The following CDH23 variants were observed in gnomAD, a reference collection of about 807,000 sequenced individuals.
CDH23 encodes cadherin-23.
CDH23 carries 189 observed loss-of-function variants against 317.1 expected under a neutral mutation model. The ratio of observed to expected loss-of-function variants is 0.60; its 90% confidence interval spans 0.53 to 0.67. CDH23 has a LOEUF of 0.67. CDH23 is among the 30% of genes least tolerant of loss of function. The pLI, the probability that CDH23 is intolerant of heterozygous loss-of-function variation, is 0.00. For synonymous variants in CDH23, 1,839 were observed against 1,876.8 expected (o/e 0.98, Z 0.52); for missense variants, 4,401 against 4,592.4 (o/e 0.96, Z 1.20).
intron 38 of CDH23, among the ~76,000 whole-genome samples, chr10:71,743,311 C>T (rs943123438): frequency 2.6e-5 from 4 of 152,214 alleles, no homozygotes; most frequent in Non-Finnish European, 5.9e-5. Context: ...AGCTCTGTCC[C>T]TCTCATAGCA....
At chr10:71,518,325 G>C (rs1012240187) in intron 6 of CDH23, among the ~76,000 whole-genome samples, 5 of 152,192 alleles carry the variant, frequency 3.3e-5, no homozygotes, top group Non-Finnish European at 5.9e-5. Flanking sequence ...TCACCTGCCA[G>C]CATCTTTGCA....
chr10:71,591,942 G>A (rs745725920), intron 9 of CDH23, among the ~76,000 whole-genome samples: 1 of 152,128 alleles, frequency 6.6e-6, no homozygotes, highest in African/African-American at 2.4e-5. Flanking sequence ...GGCAAGGAAA[G>A]CATCCCAAGC....
chr10:71,789,687 G>C (rs972160118), intron 45 of CDH23, among the ~76,000 whole-genome samples: 1 of 152,196 alleles, frequency 6.6e-6, no homozygotes, highest in Non-Finnish European at 1.5e-5. Flanking sequence ...CCATACCAAG[G>C]CATGTGCGTG....
chr10:71,720,574 C>T (rs1040289941), intron 28 of CDH23, among the ~76,000 whole-genome samples: 3 of 152,218 alleles, frequency 2.0e-5, no homozygotes, highest in Admixed American at 2.0e-4. Flanking sequence ...AGAAATGCAA[C>T]TCAAGACAGG....
At chr10:71,583,881 T>C (rs1205237577) in intron 9 of CDH23, among the ~76,000 whole-genome samples, 1 of 152,140 alleles carries the variant, frequency 6.6e-6, no homozygotes, top group Non-Finnish European at 1.5e-5. Context: ...AGAGCAGAGA[T>C]TTGAACCCAA....
chr10:71,484,692 T>C (rs1299906596), intron 3 of CDH23, among the ~76,000 whole-genome samples: 4 of 152,200 alleles, frequency 2.6e-5, no homozygotes, highest in Admixed American at 2.6e-4. Flanking sequence ...ATCCTCTATC[T>C]TGTTTCTGAT....
intron 20 of CDH23, among the ~76,000 whole-genome samples, chr10:71,692,661 C>T (rs750465289): frequency 2.0e-5 from 3 of 152,244 alleles, no homozygotes; most frequent in Non-Finnish European, 4.4e-5. Context: ...TGCTCAGCCC[C>T]TGCACAGACC....
chr10:71,811,942 C>A lies in CDH23; in HGVS notation c.9320-13C>A. ...TGCCCCTCCCCTCCATGCCCCAACC[C>A]TTCTCCCTGCAGGGAATCGTGGCTT... On this transcript the variant is annotated splice_polypyrimidine_tract_variant and intron_variant, in intron 65 of 69. Coordinates refer to ENST00000224721, the MANE Select transcript of CDH23 (RefSeq NM_022124.6). 6.2e-7 allele frequency: 1 copy of A among 1,613,856 alleles called. No individual in the cohort carries two copies. The highest frequency in any genetic ancestry group is 1.1e-5 in the South Asian group (1 of 91,078).
intron 28 of CDH23, chr10:71,717,164 G>A (rs963990577): frequency 6.6e-6 from 1 of 152,320 alleles, no homozygotes; most frequent in African/African-American, 2.4e-5. Flanking sequence ...AGCCAGTGAA[G>A]GTTTTAGAGG....
At chr10:71,762,107 C>T (rs1017578895) in intron 38 of CDH23, 13 of 1,437,018 alleles carry the variant, frequency 9.0e-6, no homozygotes, top group Non-Finnish European at 1.1e-5. Context: ...AGAACCTTAG[C>T]CTCTGCTACT....
intron 11 of CDH23, among the ~76,000 whole-genome samples, chr10:71,638,108 AT>A (rs1444508680): frequency 6.6e-6 from 1 of 152,144 alleles, no homozygotes; most frequent in East Asian, 1.9e-4. Context: ...GAGCAGAGAA[AT>A]GATACTGTTT....
intron 20 of CDH23, among the ~76,000 whole-genome samples, chr10:71,693,507 T>G (rs1482388795): frequency 6.6e-6 from 1 of 152,246 alleles, no homozygotes; most frequent in African/African-American, 2.4e-5. Flanking sequence ...TAATTATCAA[T>G]GCACGATAAG....
At chr10:71,788,005 C>T (rs376949776) in intron 44 of CDH23, among the ~76,000 whole-genome samples, 1 of 152,194 alleles carries the variant, frequency 6.6e-6, no homozygotes, top group African/African-American at 2.4e-5. Context: ...ACATTCCCAC[C>T]AGCAGTGTAT....
At position 71,810,496 on chromosome 10, in the gene CDH23, GTGAACTT is replaced by G; in HGVS notation, c.9007_9013del (p.Asn3003ArgfsTer10). Reference sequence around the variant, plus strand: ...GTTCCATGTGGACAAGAAGGGCCGGGTGAACTTTGCGCAGACAGAACTGCTTATCCAC... The same window carrying G: ...GTTCCATGTGGACAAGAAGGGCCGGGTGCGCAGACAGAACTGCTTATCCAC... On this transcript the variant is annotated frameshift_variant, in exon 62 of 70. Transcript: ENST00000224721. LOFTEE classifies it high-confidence loss of function. 6.2e-7 allele frequency: 1 copy of G among 1,613,996 alleles called. No homozygotes were observed.
intron 6 of CDH23, among the ~76,000 whole-genome samples, chr10:71,561,283 TG>T (rs1269489866): frequency 6.6e-6 from 1 of 152,046 alleles, no homozygotes; most frequent in Non-Finnish European, 1.5e-5. Context: ...TCTGTGTTCC[TG>T]TGCTCTTCCT....
chr10:71,741,780 C>T lies in CDH23; in HGVS notation c.4704C>T (p.Thr1568=), dbSNP rs186866326. Residue 1568 remains threonine, a synonymous_variant, in exon 38 of 70, where the codon ACC becomes ACT. Transcript: ENST00000224721. The part of the protein sequence containing the change: ...GINSVLSYYI[T]EGNKDMAFRM... ...ACAGTGTTCTGTCCTACTACATCAC[C>T]GAGGGCAACAAGGACATGGCCTTCC... is the stretch of plus-strand genomic sequence containing the variant. 4.5e-5 allele frequency: 73 copies of T among 1,612,730 alleles called. No homozygotes were observed. The African/African-American group carries it at 6.4e-4, about 14-fold the overall frequency.
chr10:71,686,369 G>T (rs1416113109), intron 18 of CDH23, among the ~76,000 whole-genome samples: 2 of 152,032 alleles, frequency 1.3e-5, no homozygotes, highest in South Asian at 4.1e-4. Context: ...GAGACTGCTG[G>T]GTATCTGGGG....
At chr10:71,420,428 A>ATGATGGTGATAG (rs1848710680) in intron 1 of CDH23, among the ~76,000 whole-genome samples, 1 of 21,466 alleles carries the variant, frequency 4.7e-5, no homozygotes, top group African/African-American at 1.6e-4. Context: ...GATGGTGATG[A>ATGATGGTGATAG]TGATGATGAT....
At chr10:71,595,837 C>T (rs1297538764) in intron 9 of CDH23, among the ~76,000 whole-genome samples, 1 of 152,204 alleles carries the variant, frequency 6.6e-6, no homozygotes, top group African/African-American at 2.4e-5. Flanking sequence ...AAACCACCCA[C>T]ACCCATATCC....
Sources: gnomAD v4.1 joint callset for allele counts (sites outside exome capture counted in the v4.1 genomes callset) on GRCh38, gnomAD v4.1.1 for gene constraint, MANE v1.5 for transcripts, NCBI Gene and HGNC (gene_info 2026-07-23, HGNC 2026-07-21) for gene names.